HUNK: variants seen among roughly 807,000 people sequenced by gnomAD.
The protein encoded by HUNK is hormonally up-regulated neu tumor-associated kinase.
Under a neutral mutation model 61.0 loss-of-function variants are expected in HUNK, and 21 were observed. That is an observed-to-expected ratio of 0.34 (90% CI 0.24 to 0.50). The LOEUF (loss-of-function observed/expected upper bound fraction) is 0.50, where lower values mean the gene tolerates loss of function less well. Among genes scored for constraint, HUNK ranks in the 20% least tolerant of loss-of-function variants. HUNK has a pLI of 0.98. For synonymous variants in HUNK, 371 were observed against 386.1 expected (o/e 0.96, Z 0.46); for missense variants, 772 against 945.7 (o/e 0.82, Z 2.41).
chr21:31,957,979 T>G (rs1443599286), intron 4 of HUNK, among the ~76,000 whole-genome samples: 1 of 152,216 alleles, frequency 6.6e-6, no homozygotes, highest in East Asian at 1.9e-4. Flanking sequence ...TGACTGGAGC[T>G]TCCACTGTAG....
rs2053258583 is a variant in HUNK at position 32,003,369 on chromosome 21, A to G, written c.*4185A>G. 6.6e-6 allele frequency: 1 copy of G among 151,602 alleles called. No homozygotes were observed. The highest frequency in any genetic ancestry group is 2.1e-4 in the South Asian group (1 of 4,802). 9.4% of individuals were successfully genotyped at this position (151,602 alleles called of 1,614,324 possible). On this transcript the variant is annotated 3_prime_UTR_variant, in exon 11 of 11. Transcript: ENST00000270112. ...AAACCCCTGGATAGCCTTGTTATCT[A>G]CTTTAGGTATTAAGAGGCTATTGGG...
intron 4 of HUNK, among the ~76,000 whole-genome samples, chr21:31,948,610 A>G (rs1480153541): frequency 6.6e-6 from 1 of 152,036 alleles, no homozygotes; most frequent in Non-Finnish European, 1.5e-5. Context: ...GGAGGAGAAA[A>G]AGGAGGTGGG....
chr21:31,887,253 G>A (rs1049067767), intron 1 of HUNK, among the ~76,000 whole-genome samples: 6 of 152,144 alleles, frequency 3.9e-5, no homozygotes, highest in South Asian at 2.1e-4. Flanking sequence ...GGATGTTAAC[G>A]GACCCTCTCT....
At chr21:31,935,648 T>C (rs962983336) in intron 2 of HUNK, among the ~76,000 whole-genome samples, 1 of 152,182 alleles carries the variant, frequency 6.6e-6, no homozygotes, top group South Asian at 2.1e-4. Flanking sequence ...TGTCATACAG[T>C]TGGAGTCAAA....
chr21:31,936,003 G>A (rs898496851), intron 2 of HUNK, among the ~76,000 whole-genome samples: 1 of 151,994 alleles, frequency 6.6e-6, no homozygotes, highest in African/African-American at 2.4e-5. Flanking sequence ...CACCATTTTG[G>A]CCTGGCTGGT....
At chr21:31,983,437 C>A in intron 7 of HUNK, 89 bp from the exon 8 acceptor site, 1 of 1,024,446 alleles carries the variant, frequency 9.8e-7, no homozygotes, top group Non-Finnish European at 1.5e-6. Flanking sequence ...ATTCTCTCAG[C>A]CAAGCGCTGG....
At position 31,999,026 on chromosome 21, in the gene HUNK, T is replaced by G. The variant is rs775390249; in HGVS notation, c.1987T>G (p.Phe663Val). 1 of 1,614,032 alleles carries G rather than the reference T, an allele frequency of 6.2e-7. No individual in the cohort carries two copies. Among genetic ancestry groups the G allele is most frequent in the Non-Finnish European group, 8.5e-7 (1 of 1,180,032 alleles). ...CAATTGTGTGAAAAGCCGAGGCCGG[T>G]TCCCTATGATGGGCATCGGACAGAT... ...SPNCVKSRGR[F>V]PMMGIGQMLR... Residue 663 changes from phenylalanine (F) to valine (V), a missense_variant, in exon 11 of 11, where the codon TTC becomes GTC. Phe to Val is a conservative substitution (Grantham distance 50, BLOSUM62 -1). Coordinates refer to ENST00000270112, the MANE Select transcript of HUNK (RefSeq NM_014586.2).
At position 31,892,450 on chromosome 21, in the gene HUNK, G is replaced by A. The variant is rs934642482; in HGVS notation, c.261+18515G>A. 4.0e-5 allele frequency among the ~76,000 whole-genome samples: 6 copies of A among 151,024 alleles called. No individual in the cohort carries two copies. In the East Asian group the frequency reaches 1.2e-3, roughly 29 times the overall value. On this transcript the variant is annotated intron_variant, in intron 1 of 10. Transcript: ENST00000270112. ...CCAAGCCTGGTGGCGCATGCCTGTA[G>A]TCCCAGCTACTTGGGAGGCTGAGGC... is the stretch of plus-strand genomic sequence containing the variant.
intron 9 of HUNK, among the ~76,000 whole-genome samples, chr21:31,995,158 CAAA>C (rs34858300): frequency 0.012 from 903 of 73,898 alleles, 9 homozygotes; most frequent in East Asian, 0.062. Context: ...GACCCTGCCT[CAAA>C]AAAAAAAAAA....
chr21:31,973,098 C>T (rs1288462942), intron 6 of HUNK, among the ~76,000 whole-genome samples: 1 of 151,922 alleles, frequency 6.6e-6, no homozygotes, highest in Non-Finnish European at 1.5e-5. Context: ...AGATAACTTG[C>T]CTTCTGCTCC....
intron 2 of HUNK, among the ~76,000 whole-genome samples, chr21:31,926,449 T>C (rs1243198524): frequency 7.3e-6 from 1 of 137,278 alleles, no homozygotes; most frequent in African/African-American, 3.1e-5. Flanking sequence ...TTTTAGAATA[T>C]TTTTATTACC....
chr21:31,879,482 T>C (rs1479147277), intron 1 of HUNK, among the ~76,000 whole-genome samples: 1 of 152,194 alleles, frequency 6.6e-6, no homozygotes, highest in African/African-American at 2.4e-5. Flanking sequence ...TGGTTCCTAG[T>C]GTTCATTGAT....
intron 8 of HUNK, among the ~76,000 whole-genome samples, chr21:31,988,026 G>A (rs58056932): frequency 1.2e-3 from 182 of 152,286 alleles, no homozygotes; most frequent in African/African-American, 4.2e-3. Flanking sequence ...ATTCCAGTTC[G>A]TTTTCTCCTA....
intron 2 of HUNK, among the ~76,000 whole-genome samples, chr21:31,939,619 G>A (rs2052755838): frequency 6.6e-6 from 1 of 151,864 alleles, no homozygotes; most frequent in African/African-American, 2.4e-5. Context: ...TGTTAGTCAG[G>A]CTGGTCTCGA....
At chr21:31,926,617 C>T (rs1428317257) in intron 2 of HUNK, among the ~76,000 whole-genome samples, 1 of 152,094 alleles carries the variant, frequency 6.6e-6, no homozygotes, top group African/African-American at 2.4e-5. Context: ...TTTGTGATTG[C>T]TTTCTGTCAT....
intron 1 of HUNK, among the ~76,000 whole-genome samples, chr21:31,919,104 T>C (rs931460809): frequency 1.8e-5 from 2 of 110,472 alleles, no homozygotes; most frequent in Admixed American, 8.2e-5. Context: ...GAGGAGGGGC[T>C]GGACTGAGCG....
intron 4 of HUNK, among the ~76,000 whole-genome samples, chr21:31,952,574 G>T (rs1233564409): frequency 2.7e-5 from 4 of 149,084 alleles, no homozygotes; most frequent in Non-Finnish European, 5.9e-5. Flanking sequence ...TGGGATGGCA[G>T]GTGATACCAC....
intron 1 of HUNK, among the ~76,000 whole-genome samples, chr21:31,911,642 G>A (rs2052546513): frequency 6.6e-6 from 1 of 152,118 alleles, no homozygotes. Context: ...TAGATTCGCT[G>A]CTCTGGAGAA....
At chr21:31,994,677 A>T (rs1181455322) in intron 9 of HUNK, among the ~76,000 whole-genome samples, 1 of 152,200 alleles carries the variant, frequency 6.6e-6, no homozygotes, top group African/African-American at 2.4e-5. Flanking sequence ...AACTGAGTTA[A>T]TTTTAGTTCA....
Sources: gnomAD v4.1 joint callset for allele counts (sites outside exome capture counted in the v4.1 genomes callset) on GRCh38, gnomAD v4.1.1 for gene constraint, MANE v1.5 for transcripts, NCBI Gene and HGNC (gene_info 2026-07-23, HGNC 2026-07-21) for gene names.